Variants in TAS2R1 observed in about 807,000 individuals in gnomAD.
TAS2R1 encodes taste 2 receptor member 1.
For missense variants in TAS2R1, 370 were observed against 353.4 expected (o/e 1.05, Z -0.38); for synonymous variants, 141 against 134.2 (o/e 1.05, Z -0.35).
At chr5:9,636,417 T>C (rs1561365624) in intron 2 of TAS2R1, among the ~76,000 whole-genome samples, 1 of 152,156 alleles carries the variant, frequency 6.6e-6, no homozygotes, top group Non-Finnish European at 1.5e-5. Flanking sequence ...ATTCTGCTGT[T>C]GTTTGGTAGA....
chr5:9,879,412 G>A, the TAS2R1 span, among the ~76,000 whole-genome samples: 1 of 152,198 alleles, frequency 6.6e-6, no homozygotes, highest in Non-Finnish European at 1.5e-5. Flanking sequence ...CCACATGGAG[G>A]TGGTGAGGGA....
At chr5:9,661,248 CA>C (rs1370265880) in intron 1 of TAS2R1, among the ~76,000 whole-genome samples, 1 of 152,172 alleles carries the variant, frequency 6.6e-6, no homozygotes, top group Non-Finnish European at 1.5e-5. Context: ...GCATGAACTC[CA>C]GTTTCTTTTT....
intron 2 of TAS2R1, among the ~76,000 whole-genome samples, chr5:9,648,802 T>C (rs957234357): frequency 1.3e-5 from 2 of 152,050 alleles, no homozygotes; most frequent in African/African-American, 4.8e-5. Flanking sequence ...TCAAGCCAAA[T>C]ACAGCCACAG....
In TAS2R1 at chr5:9,638,912, G is replaced by A. The variant is rs181129449; in HGVS notation, c.-80-8920C>T. 4.6e-5 allele frequency among the ~76,000 whole-genome samples: 7 copies of A among 152,270 alleles called. No individual in the cohort carries two copies. In the East Asian group the frequency reaches 1.4e-3, roughly 29 times the overall value. Reference sequence around the variant, plus strand: ...TCACCAGGGAAGTGGGGGATAGCCAGTAGCAAGAGGCCTGACCCAGCTCCC... The same window carrying A: ...TCACCAGGGAAGTGGGGGATAGCCAATAGCAAGAGGCCTGACCCAGCTCCC... On this transcript the variant is annotated intron_variant, in intron 2 of 2. Transcript: ENST00000506620.
the TAS2R1 span, among the ~76,000 whole-genome samples, chr5:9,868,470 T>C: frequency 6.6e-6 from 1 of 152,316 alleles, no homozygotes; most frequent in South Asian, 2.1e-4. Flanking sequence ...TAGCCACAGC[T>C]GGAGTGGCTA....
chr5:9,706,269 G>A (rs1387291300), intron 1 of TAS2R1, among the ~76,000 whole-genome samples: 3 of 152,312 alleles, frequency 2.0e-5, no homozygotes, highest in African/African-American at 7.2e-5. Context: ...GGGCCAGTGG[G>A]GAAGGGAGGA....
chr5:9,801,794 G>A, the TAS2R1 span, among the ~76,000 whole-genome samples: 1 of 152,144 alleles, frequency 6.6e-6, no homozygotes, highest in African/African-American at 2.4e-5. Context: ...GCATGACACA[G>A]CAGAGGCAGC....
chr5:9,731,099 C>T, the TAS2R1 span, among the ~76,000 whole-genome samples: 1 of 152,088 alleles, frequency 6.6e-6, no homozygotes, highest in African/African-American at 2.4e-5. Flanking sequence ...GACAGGTATG[C>T]CCTCCACCAG....
At chr5:9,805,006 C>CA in the TAS2R1 span, among the ~76,000 whole-genome samples, 3,680 of 150,904 alleles carry the variant, frequency 0.024, 158 homozygotes, top group African/African-American at 0.084. Context: ...ACATGATAAA[C>CA]AAAAAAAAGA....
At chr5:9,688,772 C>T (rs887058109) in intron 1 of TAS2R1, among the ~76,000 whole-genome samples, 1 of 152,126 alleles carries the variant, frequency 6.6e-6, no homozygotes, top group African/African-American at 2.4e-5. Flanking sequence ...AGCTTTATCT[C>T]GCACCCTCTC....
the TAS2R1 span, among the ~76,000 whole-genome samples, chr5:9,842,030 A>C: frequency 6.6e-6 from 1 of 152,190 alleles, no homozygotes; most frequent in African/African-American, 2.4e-5. Flanking sequence ...GCATTTGTAA[A>C]GCAGTAACAG....
the TAS2R1 span, among the ~76,000 whole-genome samples, chr5:9,795,713 G>A: frequency 6.6e-6 from 1 of 152,142 alleles, no homozygotes; most frequent in Non-Finnish European, 1.5e-5. Context: ...TTTTCCTTGT[G>A]CTCTCAAGAG....
intron 1 of TAS2R1, among the ~76,000 whole-genome samples, chr5:9,708,298 AAT>A (rs1301479958): frequency 6.6e-6 from 1 of 152,198 alleles, no homozygotes; most frequent in Non-Finnish European, 1.5e-5. Flanking sequence ...CTCAAGTAAG[AAT>A]CCTTGAGGTG....
the TAS2R1 span, among the ~76,000 whole-genome samples, chr5:9,853,650 T>C: frequency 6.6e-6 from 1 of 152,174 alleles, no homozygotes; most frequent in Non-Finnish European, 1.5e-5. Flanking sequence ...ACTGTATCCC[T>C]GAATACACAA....
chr5:9,876,013 C>A, the TAS2R1 span, among the ~76,000 whole-genome samples: 1 of 152,050 alleles, frequency 6.6e-6, no homozygotes, highest in Non-Finnish European at 1.5e-5. Context: ...ATCTACATAC[C>A]CAACTATGGT....
the TAS2R1 span, among the ~76,000 whole-genome samples, chr5:9,861,037 G>GTTTTTTTTT: frequency 2.9e-3 from 260 of 88,540 alleles, 24 homozygotes; most frequent in East Asian, 0.031. Context: ...GGAAGATGAG[G>GTTTTTTTTT]TTTTTTTTTT....
At chr5:9,866,077 T>G in the TAS2R1 span, among the ~76,000 whole-genome samples, 1,250 of 152,348 alleles carry the variant, frequency 8.2e-3, 18 homozygotes, top group African/African-American at 0.029. Context: ...TTCTATACAT[T>G]GAGACTTTTT....
chr5:9,695,017 TC>T (rs1425534587), intron 1 of TAS2R1, among the ~76,000 whole-genome samples: 1 of 152,176 alleles, frequency 6.6e-6, no homozygotes, highest in Non-Finnish European at 1.5e-5. Context: ...ACCACCTGGG[TC>T]AAATCCCAAG....
the TAS2R1 span, among the ~76,000 whole-genome samples, chr5:9,861,037 G>GTTTTTTTTTTTTTTTTTTTTTTTTTT: frequency 2.5e-3 from 218 of 88,500 alleles, 15 homozygotes; most frequent in Middle Eastern, 7.5e-3. Flanking sequence ...GGAAGATGAG[G>GTTTTTTTTTTTTTTTTTTTTTTTTTT]TTTTTTTTTT....
Sources: gnomAD v4.1 joint callset for allele counts (sites outside exome capture counted in the v4.1 genomes callset) on GRCh38, gnomAD v4.1.1 for gene constraint, MANE v1.5 for transcripts, NCBI Gene and HGNC (gene_info 2026-07-23, HGNC 2026-07-21) for gene names.